Variants in RPH3A observed in about 807,000 individuals in gnomAD.
RPH3A encodes the protein rabphilin 3A.
In RPH3A, 48 loss-of-function variants were observed where a neutral mutation model predicts 102.2. The ratio of observed to expected loss-of-function variants is 0.47; its 90% CI spans 0.37 to 0.60. RPH3A has a LOEUF of 0.60. Among genes scored for constraint, RPH3A ranks in the 20% least tolerant of loss-of-function variants. RPH3A has a pLI of 0.00. For synonymous variants in RPH3A, 310 were observed against 324.3 expected (o/e 0.96, Z 0.47); for missense variants, 781 against 910.1 (o/e 0.86, Z 1.83).
chr12:112,587,264 A>T (rs114215391), intron 1 of RPH3A, among the ~76,000 whole-genome samples: 1 of 152,240 alleles, frequency 6.6e-6, no homozygotes, highest in African/African-American at 2.4e-5. Context: ...TTAGAGAAAG[A>T]GGTAATAAAA....
At chr12:112,800,787 G>A (rs2041329792) in intron 2 of RPH3A, among the ~76,000 whole-genome samples, 1 of 152,166 alleles carries the variant, frequency 6.6e-6, no homozygotes, top group South Asian at 2.1e-4. Flanking sequence ...TGGCAATGGT[G>A]CAGCAGTTGT....
intron 2 of RPH3A, among the ~76,000 whole-genome samples, chr12:112,798,579 G>A (rs2041279341): frequency 6.6e-6 from 1 of 152,120 alleles, no homozygotes; most frequent in South Asian, 2.1e-4. Context: ...GAAGTTCGTT[G>A]GGAGGCTTTT....
At chr12:112,628,356 GA>G (rs1592915211) in intron 1 of RPH3A, among the ~76,000 whole-genome samples, 1 of 151,994 alleles carries the variant, frequency 6.6e-6, no homozygotes, top group East Asian at 1.9e-4. Context: ...CAAGTAAGGA[GA>G]GGGGAGAGTA....
At chr12:112,883,140 ACTCCC>A (rs2042945306) in intron 15 of RPH3A, among the ~76,000 whole-genome samples, 148 bp from the exon 16 acceptor site, 8 of 151,914 alleles carry the variant, frequency 5.3e-5, no homozygotes, top group Admixed American at 2.6e-4. Flanking sequence ...GACATCCCCC[ACTCCC>A]TGAGAACATG....
Position 112,677,078 on chromosome 12 carries a change from A to G in RPH3A, c.-140+101759A>G, listed in dbSNP as rs370654562. Among the ~76,000 whole-genome samples, 3 of 152,296 alleles carry G rather than the reference A, an allele frequency of 2.0e-5. No homozygotes were observed. In the East Asian group the frequency reaches 5.8e-4, roughly 29 times the overall value. ...AGCTTCTTTATGGATCTGTAAAAAG[A>G]TAGTTCCTCTCTGGTGAAGAGCCCA... On this transcript the variant is annotated intron_variant, in intron 1 of 21. Transcript: ENST00000543106.
At chr12:112,891,107 A>C (rs1245576728) in intron 19 of RPH3A, 104 bp downstream of exon 19, 1 of 1,338,928 alleles carries the variant, frequency 7.5e-7, no homozygotes, top group Admixed American at 2.2e-5. Flanking sequence ...ACTGAGACCC[A>C]GAGAGGGCAA....
At chr12:112,740,491 T>C (rs1286641843) in intron 1 of RPH3A, among the ~76,000 whole-genome samples, 6 of 152,202 alleles carry the variant, frequency 3.9e-5, no homozygotes, top group Non-Finnish European at 8.8e-5. Flanking sequence ...CTCCTCTCTT[T>C]CACCTCAAGG....
At position 112,895,856 on chromosome 12, in the gene RPH3A, A is replaced by G; in HGVS notation, c.1937A>G (p.Lys646Arg). 1 of 1,613,160 alleles carries G rather than the reference A, an allele frequency of 6.2e-7. No individual in the cohort carries two copies. The highest frequency in any genetic ancestry group is 8.5e-7 in the Non-Finnish European group (1 of 1,179,250). Residue 646 changes from lysine to arginine, a missense_variant, in exon 21 of 22, where the codon AAG (lysine) becomes AGG (arginine). Lys to Arg is a conservative substitution (Grantham distance 26). Transcript: ENST00000389385. ...DISVWDYDIG[K>R]SNDYIGGCQL... ...TCAGTCTGGGACTATGACATCGGCA[A>G]GTCCAATGATTACATCGGTGAGTGT... is the stretch of plus-strand genomic sequence containing the variant.
chr12:112,873,387 T>C (rs561009017), intron 10 of RPH3A, among the ~76,000 whole-genome samples: 51 of 152,330 alleles, frequency 3.3e-4, no homozygotes, highest in African/African-American at 1.2e-3. Flanking sequence ...AGCTGGTCTG[T>C]TACAAGTTCC....
intron 1 of RPH3A, among the ~76,000 whole-genome samples, chr12:112,703,441 T>C (rs2040408164): frequency 6.6e-6 from 1 of 152,222 alleles, no homozygotes; most frequent in African/African-American, 2.4e-5. Context: ...TAAAAGTCCA[T>C]TCTAGTATAG....
chr12:112,767,533 T>A (rs991221628), intron 1 of RPH3A, among the ~76,000 whole-genome samples: 5 of 152,132 alleles, frequency 3.3e-5, no homozygotes, highest in African/African-American at 1.2e-4. Context: ...CCAGTGAGGG[T>A]CTGGCTAGGA....
Position 112,896,936 on chromosome 12 carries a change from C to A in RPH3A, c.*156C>A. 4 of 690,982 alleles carry A rather than the reference C, an allele frequency of 5.8e-6. No homozygotes were observed. Among genetic ancestry groups the A allele is most frequent in the Non-Finnish European group, 7.2e-6 (3 of 417,802 alleles). 42.8% of individuals were successfully genotyped at this position (690,982 alleles called of 1,614,324 possible). ...TGAGCCCCCGTCACGTTGGGCACTG[C>A]TGCCAAAGACTCCCTCCTCCCTGAT... is the stretch of plus-strand genomic sequence containing the variant. On this transcript the variant is annotated 3_prime_UTR_variant, in exon 22 of 22. Coordinates refer to ENST00000389385, the MANE Select transcript of RPH3A (RefSeq NM_001143854.2).
chr12:112,672,623 G>A (rs891075168), intron 1 of RPH3A, among the ~76,000 whole-genome samples: 10 of 152,178 alleles, frequency 6.6e-5, no homozygotes, highest in African/African-American at 2.4e-4. Flanking sequence ...ACCTCTGCAC[G>A]CTGAAGGCTG....
chr12:112,895,724 A>G (rs187824891), intron 20 of RPH3A, 53 bp from the exon 21 acceptor site: 48 of 1,312,640 alleles, frequency 3.7e-5, no homozygotes, highest in South Asian at 1.7e-4. Context: ...TTACCTCCCA[A>G]TGCTGTGGGT....
chr12:112,711,037 T>A (rs1478904428), intron 1 of RPH3A, among the ~76,000 whole-genome samples: 1 of 152,230 alleles, frequency 6.6e-6, no homozygotes, highest in Non-Finnish European at 1.5e-5. Flanking sequence ...CAGCAACAAC[T>A]ATTCTTTCTT....
At chr12:112,803,005 C>T (rs1014599771) in intron 2 of RPH3A, among the ~76,000 whole-genome samples, 1 of 152,170 alleles carries the variant, frequency 6.6e-6, no homozygotes, top group African/African-American at 2.4e-5. Flanking sequence ...GCCAGAGAGG[C>T]CCCCAGAAGC....
At position 112,758,595 on chromosome 12, in the gene RPH3A, C is replaced by T. The variant is rs929134527; in HGVS notation, c.-139-33548C>T. Among the ~76,000 whole-genome samples, 15 of 152,180 alleles carry T rather than the reference C, an allele frequency of 9.9e-5. No individual in the cohort carries two copies. In the East Asian group the frequency reaches 2.7e-3, roughly 27 times the overall value. On this transcript the variant is annotated intron_variant, in intron 1 of 21. Coordinates refer to the RPH3A transcript ENST00000543106. Reference sequence around the variant, plus strand: ...ATTTCATTTAATTCTCACAATATCCCTATGGATTTTTACTACCATAATTTT... The same window carrying T: ...ATTTCATTTAATTCTCACAATATCCTTATGGATTTTTACTACCATAATTTT...
chr12:112,585,054 C>G (rs1003007323), intron 1 of RPH3A, among the ~76,000 whole-genome samples: 3 of 152,066 alleles, frequency 2.0e-5, no homozygotes, highest in African/African-American at 7.2e-5. Context: ...TAGTGTAGGT[C>G]CAAAAGTCCA....
At chr12:112,795,799 A>T (rs1291696875) in intron 2 of RPH3A, among the ~76,000 whole-genome samples, 1 of 152,190 alleles carries the variant, frequency 6.6e-6, no homozygotes, top group Non-Finnish European at 1.5e-5. Flanking sequence ...TGGGAATAAG[A>T]ATGCAGTTGT....
Sources: allele counts gnomAD v4.1 joint callset (sites outside exome capture counted in the v4.1 genomes callset), GRCh38; gene constraint gnomAD v4.1.1; transcripts MANE v1.5; gene names NCBI Gene and HGNC (gene_info 2026-07-23, HGNC 2026-07-21).